SPINT4: variants seen among roughly 807,000 people sequenced by gnomAD.
The protein encoded by SPINT4 is kunitz-type protease inhibitor 4.
A neutral mutation model predicts 9.4 loss-of-function variants in SPINT4; 7 were observed. The ratio of observed to expected loss-of-function variants is 0.74; its 90% confidence interval spans 0.42 to 1.40. SPINT4 has a LOEUF of 1.40. SPINT4 is among the 40% of genes most tolerant of loss of function. The pLI, the probability that SPINT4 is intolerant of heterozygous loss-of-function variation, is 0.01. For missense variants in SPINT4, 105 were observed against 114.4 expected, an observed-to-expected ratio of 0.92 and a Z score of 0.37; for synonymous variants, 36 against 39.9, an observed-to-expected ratio of 0.90 and a Z score of 0.37.
intron 1 of SPINT4, among the ~76,000 whole-genome samples, chr20:45,723,086 TTC>T (rs1984840405): frequency 6.6e-6 from 1 of 152,112 alleles, no homozygotes; most frequent in South Asian, 2.1e-4. Flanking sequence ...CCACTTATTA[TTC>T]TCTTAGTCTC....
intron 1 of SPINT4, among the ~76,000 whole-genome samples, chr20:45,723,219 G>A (rs1053036799): frequency 1.1e-4 from 16 of 152,062 alleles, no homozygotes; most frequent in Admixed American, 9.2e-4. Flanking sequence ...GGCTGCTTGA[G>A]TAAGGTGGAT....
chr20:45,725,551 A>C (rs1320814396), intron 2 of SPINT4, 78 bp from the exon 3 acceptor site: 2 of 1,514,568 alleles, frequency 1.3e-6, no homozygotes, highest in Non-Finnish European at 1.8e-6. Flanking sequence ...TAGGATAAAA[A>C]ATGACCTGCA....
intron 1 of SPINT4, among the ~76,000 whole-genome samples, chr20:45,723,617 G>T (rs1042476180): frequency 2.0e-5 from 3 of 152,012 alleles, no homozygotes; most frequent in Admixed American, 1.3e-4. Context: ...GCTAGTGGTG[G>T]AACCTCCTTT....
At chr20:45,722,937 A>T (rs1232659075) in intron 1 of SPINT4, among the ~76,000 whole-genome samples, 1 of 152,084 alleles carries the variant, frequency 6.6e-6, no homozygotes, top group Admixed American at 6.5e-5. Context: ...AGGCAATGAG[A>T]CTTTCTTCCA....
rs1012778913 is a variant in SPINT4 at position 45,723,745 on chromosome 20, A to G, written c.116-135A>G. 14 of 723,974 alleles carry G rather than the reference A, an allele frequency of 1.9e-5. No homozygotes were observed. In the African/African-American group the frequency reaches 2.2e-4, roughly 11 times the overall value. 44.8% of individuals were successfully genotyped at this position (723,974 alleles called of 1,614,324 possible). ...CAAGCAACTCTAACTCCAAGAGAAA[A>G]CCACATCTTTCAGAGTCCTTGAATA... On this transcript the variant is annotated intron_variant, in intron 1 of 2. Coordinates refer to ENST00000279058, the MANE Select transcript of SPINT4 (RefSeq NM_178455.3).
At position 45,723,958 on chromosome 20, in the gene SPINT4, G is replaced by C; in HGVS notation, c.194G>C (p.Arg65Thr). ...FRYFYNRTSK[R>T]CETFVFSGCN... ...TATTTCTACAACAGAACCTCCAAAA[G>C]ATGTGAAACTTTTGTCTTCTCCGGC... is the stretch of plus-strand genomic sequence containing the variant. Residue 65 changes from arginine (R) to threonine (T), a missense_variant, in exon 2 of 3, where the codon AGA (arginine) becomes ACA (threonine). Physicochemically the swap from Arg to Thr is moderately conservative, Grantham distance 71 (BLOSUM62 -1). Transcript: ENST00000279058. The C allele has an allele frequency of 6.2e-7, 1 of 1,608,632 alleles. No individual in the cohort carries two copies. Among genetic ancestry groups the C allele is most frequent in the Non-Finnish European group, 8.5e-7 (1 of 1,178,606 alleles).
chr20:45,725,595 C>G, intron 2 of SPINT4, 34 bp from the exon 3 acceptor site: 1 of 1,613,390 alleles, frequency 6.2e-7, no homozygotes, highest in Non-Finnish European at 8.5e-7. Flanking sequence ...ACCTGTAACA[C>G]CGATTTGGGT....
At position 45,724,979 on chromosome 20, in the gene SPINT4, C is replaced by CAAAAAAAAAAAAAAAAAAA. The variant is rs1168670011; in HGVS notation, c.294-633_294-632insAAAAAAAAAAAAAAAAAAA. On this transcript the variant is annotated intron_variant, in intron 2 of 2. Coordinates refer to ENST00000279058, the MANE Select transcript of SPINT4 (RefSeq NM_178455.3). ...TGGGAGACAAAGTGAGACTCCATCT[C>CAAAAAAAAAAAAAAAAAAA]AAAAAAAAAAAAAAAAATATATATA... 3.3e-4 allele frequency among the ~76,000 whole-genome samples: 9 copies of CAAAAAAAAAAAAAAAAAAA among 27,182 alleles called. No homozygotes were observed. The Admixed American group carries it at 4.0e-3, about 12-fold the overall frequency. 17.8% of individuals were successfully genotyped at this position (27,182 alleles called of 152,430 possible). A position where few individuals can be genotyped will look rare whatever the true frequency, so the allele number is the denominator to read the frequency against.
At chr20:45,725,129 G>C (rs1008172477) in intron 2 of SPINT4, among the ~76,000 whole-genome samples, 4 of 150,208 alleles carry the variant, frequency 2.7e-5, no homozygotes, top group Admixed American at 2.0e-4. Flanking sequence ...GCACAGCAGG[G>C]TTTCTAACCA....
At position 45,723,983 on chromosome 20, in the gene SPINT4, C is replaced by A. The variant is rs114654740; in HGVS notation, c.219C>A (p.Gly73=). Residue 73 remains glycine (G), a synonymous_variant, in exon 2 of 3, where the codon GGC becomes GGA. Coordinates refer to ENST00000279058, the MANE Select transcript of SPINT4 (RefSeq NM_178455.3). Reference sequence around the variant, plus strand: ...GATGTGAAACTTTTGTCTTCTCCGGCTGTAATGGCAACCTTAACAACTTCA... The same window carrying A: ...GATGTGAAACTTTTGTCTTCTCCGGATGTAATGGCAACCTTAACAACTTCA... ...SKRCETFVFS[G]CNGNLNNFKL... 9 of 1,610,638 alleles carry A rather than the reference C, an allele frequency of 5.6e-6. No individual in the cohort carries two copies. The highest frequency in any genetic ancestry group is 7.6e-6 in the Non-Finnish European group (9 of 1,179,022).
At chr20:45,725,275 C>T (rs1984921480) in intron 2 of SPINT4, among the ~76,000 whole-genome samples, 1 of 151,662 alleles carries the variant, frequency 6.6e-6, no homozygotes. Context: ...CCATGCTTGA[C>T]TATTTCCCAA....
rs760981010 is a variant in SPINT4 at position 45,722,400 on chromosome 20, A to G, written c.33A>G (p.Arg11=). The change falls in exon 1 of 3, where the codon AGA becomes AGG. Residue 11 remains arginine, a synonymous_variant. Transcript: ENST00000279058. MKSAKLGFLL[R]FFIFCSLNTL... is the part of the protein sequence containing the mutation. The stretch of plus-strand genomic sequence containing the variant: ...CTGCCAAGCTGGGATTTCTTCTAAG[A>G]TTCTTCATCTTCTGCTCATTGAATA... The G allele has an allele frequency of 1.2e-6, 2 of 1,613,678 alleles. No individual in the cohort carries two copies. The highest frequency in any genetic ancestry group is 1.7e-5 in the Admixed American group (1 of 60,012).
At position 45,723,967 on chromosome 20, in the gene SPINT4, CT is replaced by C; in HGVS notation, c.207del (p.Phe69LeufsTer17). ...FYNRTSKRCE[T>X]FVFSGCNGNL... Reference sequence around the variant, plus strand: ...AACAGAACCTCCAAAAGATGTGAAACTTTTGTCTTCTCCGGCTGTAATGGCA... The same window carrying C: ...AACAGAACCTCCAAAAGATGTGAAACTTTGTCTTCTCCGGCTGTAATGGCA... On this transcript the variant is annotated frameshift_variant, in exon 2 of 3. Transcript: ENST00000279058. LOFTEE classifies it high-confidence loss of function. 4.3e-6 allele frequency: 7 copies of C among 1,610,108 alleles called. 1 individual carries two copies. Among genetic ancestry groups the C allele is most frequent in the Non-Finnish European group, 5.9e-6 (7 of 1,178,912 alleles).
At position 45,722,477 on chromosome 20, in the gene SPINT4, T is replaced by C; in HGVS notation, c.110T>C (p.Leu37Pro). 6.2e-7 allele frequency: 1 copy of C among 1,601,684 alleles called. No individual in the cohort carries two copies. The highest frequency in any genetic ancestry group is 8.6e-7 in the Non-Finnish European group (1 of 1,168,426). ...ATTGCGGAGAAGATATGTGGAGACC[T>C]CAAAGGTATGAAGCTAAGGCAGAAA... is the stretch of plus-strand genomic sequence containing the variant. ...NKIAEKICGD[L>P]KDPCKLDMNF... Residue 37 changes from leucine (L) to proline (P), a missense_variant, in exon 1 of 3, where the codon CTC becomes CCC. Coordinates refer to ENST00000279058, the MANE Select transcript of SPINT4 (RefSeq NM_178455.3).
intron 2 of SPINT4, among the ~76,000 whole-genome samples, chr20:45,724,995 A>AAAAAAAAAAAAAAAAAAAAT (rs1387842262): frequency 2.7e-5 from 1 of 36,430 alleles, no homozygotes; most frequent in African/African-American, 1.9e-4. Flanking sequence ...AAAAAAAAAA[A>AAAAAAAAAAAAAAAAAAAAT]ATATATATAT....
chr20:45,724,878 G>A (rs1463636137), intron 2 of SPINT4, among the ~76,000 whole-genome samples: 4 of 146,422 alleles, frequency 2.7e-5, no homozygotes, highest in African/African-American at 1.0e-4. Flanking sequence ...TACTCGGGAG[G>A]CTGAGGCAGG....
chr20:45,725,747 TA>T lies in SPINT4; in HGVS notation c.*113del. 7.1e-7 allele frequency: 1 copy of T among 1,412,982 alleles called. No individual in the cohort carries two copies. Among genetic ancestry groups the T allele is most frequent in the Non-Finnish European group, 1.0e-6 (1 of 1,001,032 alleles). 87.5% of individuals were successfully genotyped at this position (1,412,982 alleles called of 1,614,324 possible). A position where few individuals can be genotyped will look rare whatever the true frequency, so the allele number is the denominator to read the frequency against. On this transcript the variant is annotated 3_prime_UTR_variant, in exon 3 of 3. Coordinates refer to ENST00000279058, the MANE Select transcript of SPINT4 (RefSeq NM_178455.3). ...ATTTCCATAATGCTTTAAGCTTCCATATGTTTGCTATTTTCCTGACCCTAGT... is the reference window on the plus strand; with the variant it reads ...ATTTCCATAATGCTTTAAGCTTCCATTGTTTGCTATTTTCCTGACCCTAGT...
In SPINT4 at chr20:45,725,013, T is replaced by TACACATATATATATATATATACAC. The variant is rs1555808999; in HGVS notation, c.294-615_294-614insCACATATATATATATATATACACA. On this transcript the variant is annotated intron_variant, in intron 2 of 2. Transcript: ENST00000279058. ...AAAAAAAAATATATATATATATATATATATATATATATATCAATAGATATA... is the reference window on the plus strand; with the variant it reads ...AAAAAAAAATATATATATATATATATACACATATATATATATATATACACATATATATATATATCAATAGATATA... 6.1e-5 allele frequency among the ~76,000 whole-genome samples: 3 copies of TACACATATATATATATATATACAC among 49,506 alleles called. 1 individual carries two copies. Among genetic ancestry groups the TACACATATATATATATATATACAC allele is most frequent in the African/African-American group, 4.6e-4 (3 of 6,458 alleles). 32.5% of individuals were successfully genotyped at this position (49,506 alleles called of 152,430 possible). A position where few individuals can be genotyped will look rare whatever the true frequency, so the allele number is the denominator to read the frequency against.
intron 2 of SPINT4, 84 bp downstream of exon 2, chr20:45,724,141 G>A: frequency 2.2e-6 from 3 of 1,394,510 alleles, no homozygotes; most frequent in Non-Finnish European, 2.9e-6. Context: ...AATTGATCAG[G>A]GGCTAACCTT....
Sources: gnomAD v4.1 joint callset for allele counts (sites outside exome capture counted in the v4.1 genomes callset) on GRCh38, gnomAD v4.1.1 for gene constraint, MANE v1.5 for transcripts, NCBI Gene and HGNC (gene_info 2026-07-23, HGNC 2026-07-21) for gene names.